Variants in DNPEP observed in about 807,000 individuals in gnomAD.
DNPEP encodes the protein aspartyl aminopeptidase.
In DNPEP, 46 loss-of-function variants were observed where a neutral mutation model predicts 59.1. That is an observed-to-expected ratio of 0.78 (90% CI 0.61 to 0.99). DNPEP has a LOEUF of 0.99. DNPEP is among the 50% of genes least tolerant of loss of function. The pLI, the probability that DNPEP is intolerant of heterozygous loss-of-function variation, is 0.00. For synonymous variants in DNPEP, 229 were observed against 242.2 expected, an observed-to-expected ratio of 0.95 and a Z score of 0.50; for missense variants, 617 against 649.9, an observed-to-expected ratio of 0.95 and a Z score of 0.55.
chr2:219,378,956 C>T (rs567710497), intron 13 of DNPEP, among the ~76,000 whole-genome samples: 8 of 152,266 alleles, frequency 5.3e-5, no homozygotes, highest in African/African-American at 1.2e-4. Flanking sequence ...TCACTCTTGT[C>T]GCCCAGGCTG....
rs1953229134 is a variant in DNPEP, at chr2:219,372,715, T to C, written c.*1577A>G. Among the ~76,000 whole-genome samples, 1 of 152,166 alleles carries C rather than the reference T, an allele frequency of 6.6e-6. No individual in the cohort carries two copies. Among genetic ancestry groups the C allele is most frequent in the African/African-American group, 2.4e-5 (1 of 41,436 alleles). Reference sequence around the variant, plus strand: ...TTGTCCTGTGTCCAGTTCTGCAACCTGCCTTTTCTACTCAACAATGTCTTT... The same window carrying C: ...TTGTCCTGTGTCCAGTTCTGCAACCCGCCTTTTCTACTCAACAATGTCTTT... On this transcript the variant is annotated 3_prime_UTR_variant, in exon 15 of 15. Transcript: ENST00000273075.
At chr2:219,393,207 T>TA (rs1954045986), upstream of DNPEP, among the ~76,000 whole-genome samples, 1 of 152,318 alleles carries the variant, frequency 6.6e-6, no homozygotes, top group Non-Finnish European at 1.5e-5. Flanking sequence ...AGTTTACAAA[T>TA]ATGTGTTGGG....
At chr2:219,398,818 C>T (rs1232682009) in intron 1 of DNPEP, among the ~76,000 whole-genome samples, 1 of 152,222 alleles carries the variant, frequency 6.6e-6, no homozygotes, top group African/African-American at 2.4e-5. Context: ...AATGTCTGCC[C>T]TTGCAGGCCC....
At chr2:219,380,269 G>A (rs1953537132) in intron 13 of DNPEP, among the ~76,000 whole-genome samples, 1 of 146,998 alleles carries the variant, frequency 6.8e-6, no homozygotes, top group African/African-American at 2.5e-5. Flanking sequence ...AGGCTGGAGT[G>A]CAATGGCACG....
rs1230114479 is a variant in DNPEP, at chr2:219,373,229, C to T, written c.*1063G>A. Among the ~76,000 whole-genome samples, 15 of 151,188 alleles carry T rather than the reference C, an allele frequency of 9.9e-5. No individual in the cohort carries two copies. Among genetic ancestry groups the T allele is most frequent in the Non-Finnish European group, 1.9e-4 (13 of 67,894 alleles). ...GATTACAGGCATGTGCCACCACGCC[C>T]GGCTAATTTTGTATTTTTAGCAGGG... On this transcript the variant is annotated 3_prime_UTR_variant, in exon 15 of 15. Coordinates refer to ENST00000273075, the MANE Select transcript of DNPEP (RefSeq NM_012100.4).
At position 219,386,784 on chromosome 2, in the gene DNPEP, G is replaced by T; in HGVS notation, c.220-6C>A. On this transcript the variant is annotated splice_region_variant and splice_polypyrimidine_tract_variant and intron_variant, in intron 3 of 14. Coordinates refer to ENST00000273075, the MANE Select transcript of DNPEP (RefSeq NM_012100.4). ...GAGTTCCTGGTCATGAAGTACTGAG[G>T]AGAAGGGGAGGAAAGACAGGGGTGT... The T allele has an allele frequency of 6.2e-7, 1 of 1,612,740 alleles. No individual in the cohort carries two copies. Among genetic ancestry groups the T allele is most frequent in the Non-Finnish European group, 8.5e-7 (1 of 1,179,188 alleles).
Position 219,385,723 on chromosome 2 carries a change from G to T in DNPEP, c.591-17C>A, listed in dbSNP as rs1322475817. The T allele has an allele frequency of 6.3e-7, 1 of 1,589,570 alleles. No homozygotes were observed. The highest frequency in any genetic ancestry group is 2.3e-5 in the East Asian group (1 of 43,654). On this transcript the variant is annotated splice_polypyrimidine_tract_variant and intron_variant, in intron 6 of 14. Transcript: ENST00000273075. ...ATGGGGACTCTGTGGGGAGACGTGG[G>T]TTGTGGGGGGATTGCGAGGAGGGCA...
chr2:219,396,372 G>A (rs1575002701), intron 1 of DNPEP, among the ~76,000 whole-genome samples: 1 of 152,138 alleles, frequency 6.6e-6, no homozygotes, highest in African/African-American at 2.4e-5. Flanking sequence ...CGGATCACTT[G>A]AGGTCAGGAG....
rs1317279516 is a variant in DNPEP, at chr2:219,372,765, C to A, written c.*1527G>T. Among the ~76,000 whole-genome samples, 1 of 152,210 alleles carries A rather than the reference C, an allele frequency of 6.6e-6. No individual in the cohort carries two copies. The highest frequency in any genetic ancestry group is 1.5e-5 in the Non-Finnish European group (1 of 68,042). On this transcript the variant is annotated 3_prime_UTR_variant, in exon 15 of 15. Coordinates refer to ENST00000273075, the MANE Select transcript of DNPEP (RefSeq NM_012100.4). The stretch of plus-strand genomic sequence containing the variant: ...TGTAATCTCTTCATGTTAGTACACA[C>A]ACTATACAATTTATCTTTTTCTCAA...
upstream of DNPEP, among the ~76,000 whole-genome samples, chr2:219,390,606 A>G (rs974372416): frequency 2.6e-5 from 4 of 152,254 alleles, no homozygotes; most frequent in African/African-American, 7.2e-5. Context: ...CTGTAATCCC[A>G]GCACTTTGGG....
chr2:219,383,563 GTGT>G (rs1234689789), intron 9 of DNPEP, among the ~76,000 whole-genome samples: 1 of 151,846 alleles, frequency 6.6e-6, no homozygotes, highest in Non-Finnish European at 1.5e-5. Flanking sequence ...CATCCTTTGG[GTGT>G]TGTTCTCTAC....
rs1406246531 is a variant in DNPEP at position 219,381,325 on chromosome 2, C to A, written c.1239+10G>T. The A allele has an allele frequency of 6.2e-7, 1 of 1,611,824 alleles. No individual in the cohort carries two copies. The highest frequency in any genetic ancestry group is 1.1e-5 in the South Asian group (1 of 91,016). ...TCCATCACACCTTCCCAGGCAGGGC[C>A]CACCCTCACCTGCAGGGGGACCTTG... On this transcript the variant is annotated intron_variant, in intron 13 of 14. Transcript: ENST00000273075.
rs2125120715 is a variant in DNPEP at position 219,372,602 on chromosome 2, A to C, written c.*1690T>G. Among the ~76,000 whole-genome samples the C allele has an allele frequency of 6.6e-6, 1 of 152,032 alleles. No individual in the cohort carries two copies. The highest frequency in any genetic ancestry group is 1.9e-4 in the East Asian group (1 of 5,162). ...GGCTGGTTTTGAACTCCTGACCTCA[A>C]GTGATCTGCCCACCTCGGCCTCCCA... is the stretch of plus-strand genomic sequence containing the variant. On this transcript the variant is annotated 3_prime_UTR_variant, in exon 15 of 15. Transcript: ENST00000273075.
At chr2:219,385,574 C>T (rs377452687) in intron 7 of DNPEP, 43 bp from the exon 8 acceptor site, 68 of 1,608,422 alleles carry the variant, frequency 4.2e-5, no homozygotes, top group Non-Finnish European at 3.1e-5. Flanking sequence ...TTCCTCCTCT[C>T]CTCCCCACTT....
chr2:219,386,289 G>A lies in DNPEP; in HGVS notation c.456C>T (p.Val152=), dbSNP rs968507866. The change falls in exon 5 of 15, where the codon GTC becomes GTT. Residue 152 remains valine, a synonymous_variant. Coordinates refer to ENST00000273075, the MANE Select transcript of DNPEP (RefSeq NM_012100.4). ...CATCCCCAACCTCGGTTCCCACCTT[G>A]ACAATGACGCGTCCAGCCAGAGTCA... ...RDLTLAGRVI[V]KCPTSGRLEQ... 2.5e-6 allele frequency: 4 copies of A among 1,614,062 alleles called. No homozygotes were observed. Among genetic ancestry groups the A allele is most frequent in the Admixed American group, 1.7e-5 (1 of 60,010 alleles).
chr2:219,385,864 TG>T (rs1953792853), intron 6 of DNPEP, 103 bp downstream of exon 6: 1 of 1,511,012 alleles, frequency 6.6e-7, no homozygotes, highest in South Asian at 1.3e-5. Context: ...AGAAATTAAC[TG>T]GGTCCCAAGA....
At chr2:219,399,869 G>A (rs1249214766) in intron 1 of DNPEP, 1 of 1,550,258 alleles carries the variant, frequency 6.5e-7, no homozygotes, top group Non-Finnish European at 8.7e-7. Flanking sequence ...CGGTTACCTT[G>A]TGGTAGCCAT....
chr2:219,389,502 C>T (rs1383149462), upstream of DNPEP, among the ~76,000 whole-genome samples: 2 of 152,108 alleles, frequency 1.3e-5, no homozygotes, highest in Non-Finnish European at 2.9e-5. Context: ...TAGGTGCTGG[C>T]TTAAATTCAT....
chr2:219,381,784 C>A, intron 11 of DNPEP, 195 bp downstream of exon 11: 1 of 846,876 alleles, frequency 1.2e-6, no homozygotes, highest in Non-Finnish European at 1.9e-6. Flanking sequence ...AAGGTGTATT[C>A]CACACACCTG....
Sources: allele counts gnomAD v4.1 joint callset (sites outside exome capture counted in the v4.1 genomes callset), GRCh38; gene constraint gnomAD v4.1.1; transcripts MANE v1.5; gene names NCBI Gene and HGNC (gene_info 2026-07-23, HGNC 2026-07-21).